ZNF721: variants seen among roughly 807,000 people sequenced by gnomAD.
ZNF721 encodes the protein zinc finger protein 721.
In ZNF721, 2 loss-of-function variants were observed where a neutral mutation model predicts 2.4. The observed-to-expected ratio is 0.82, with a 90% CI of 0.34 to 2.58. The LOEUF (loss-of-function observed/expected upper bound fraction) is 2.58, where lower values mean the gene tolerates loss of function less well. Ranked by LOEUF, ZNF721 falls within the 30% of genes most tolerant of loss-of-function variation. The probability of loss-of-function intolerance (pLI) is 0.11; values close to 1 mark genes in which losing one functional copy is unlikely to be tolerated. For synonymous variants in ZNF721, 398 were observed against 381.8 expected (o/e 1.04, Z -0.50); for missense variants, 1,187 against 1,085.5 (o/e 1.09, Z -1.31).
At chr4:458,005 T>C (rs1228839909) in intron 2 of ZNF721, among the ~76,000 whole-genome samples, 1 of 152,206 alleles carries the variant, frequency 6.6e-6, no homozygotes, top group Non-Finnish European at 1.5e-5. Context: ...GAAGCAGCCC[T>C]ATGAATCAGT....
chr4:496,854 A>G (rs1553872302), intron 1 of ZNF721, among the ~76,000 whole-genome samples: 1 of 151,664 alleles, frequency 6.6e-6, no homozygotes, highest in African/African-American at 2.4e-5. Flanking sequence ...CTGGGACTAC[A>G]GGTGCCCGCC....
At chr4:446,600 C>T (rs1249971377) in intron 2 of ZNF721, among the ~76,000 whole-genome samples, 2 of 152,020 alleles carry the variant, frequency 1.3e-5, no homozygotes, top group Non-Finnish European at 2.9e-5. Context: ...AGGCTGGTCT[C>T]GAACTCCTGA....
At chr4:497,760 T>C (rs1455526476) in intron 1 of ZNF721, among the ~76,000 whole-genome samples, 3 of 146,896 alleles carry the variant, frequency 2.0e-5, no homozygotes, top group Non-Finnish European at 3.0e-5. Context: ...TTGACGGGCG[T>C]GGCGGCGGGC....
At position 442,248 on chromosome 4, in the gene ZNF721, A is replaced by G; in HGVS notation, c.2219T>C (p.Leu740Pro). 6.2e-7 allele frequency: 1 copy of G among 1,613,218 alleles called. No homozygotes were observed. Among genetic ancestry groups the G allele is most frequent in the Non-Finnish European group, 8.5e-7 (1 of 1,179,370 alleles). Reference sequence around the variant, plus strand: ...AGTATGAATTTTCTTATATTCGTTCAGGTTTGTGGACCATCCAAAGGATCT... The same window carrying G: ...AGTATGAATTTTCTTATATTCGTTCGGGTTTGTGGACCATCCAAAGGATCT... ...RGRSFGWSTN[L>P]NEYKKIHTGD... Residue 740 changes from leucine to proline, a missense_variant, in exon 3 of 3, where the codon CTG (leucine) becomes CCG (proline). By Grantham distance (98) the Leu-to-Pro change is moderately conservative (BLOSUM62 -3). Transcript: ENST00000511833.
At chr4:456,367 G>C (rs1553865440) in intron 2 of ZNF721, among the ~76,000 whole-genome samples, 1 of 152,032 alleles carries the variant, frequency 6.6e-6, no homozygotes, top group Admixed American at 6.6e-5. Context: ...ACCATGCCCG[G>C]CCTATCAAAA....
chr4:457,610 T>C (rs1020251918), intron 2 of ZNF721, among the ~76,000 whole-genome samples: 5 of 152,156 alleles, frequency 3.3e-5, no homozygotes, highest in Non-Finnish European at 7.4e-5. Context: ...AAATCCACCC[T>C]TTGCACATAT....
At chr4:455,385 C>G (rs1200220386) in intron 2 of ZNF721, among the ~76,000 whole-genome samples, 3 of 152,004 alleles carry the variant, frequency 2.0e-5, no homozygotes, top group Non-Finnish European at 4.4e-5. Flanking sequence ...CTGGCCAACA[C>G]GGTGAAACCC....
chr4:461,358 G>C (rs1234457739), intron 2 of ZNF721, among the ~76,000 whole-genome samples: 1 of 152,124 alleles, frequency 6.6e-6, no homozygotes, highest in East Asian at 1.9e-4. Context: ...AAAACCACAT[G>C]ATTATCTCAA....
Position 443,386 on chromosome 4 carries a change from A to G in ZNF721, c.1081T>C (p.Tyr361His). 1.9e-6 allele frequency: 3 copies of G among 1,614,098 alleles called. No individual in the cohort carries two copies. Among genetic ancestry groups the G allele is most frequent in the Non-Finnish European group, 2.5e-6 (3 of 1,180,008 alleles). The change falls in exon 3 of 3, where the codon TAC becomes CAC. Residue 361 changes from tyrosine to histidine, a missense_variant. By Grantham distance (83) the Tyr-to-His change is moderately conservative. Transcript: ENST00000511833. ...HRRIHTGEKP[Y>H]KCEDCGKAFG... is the part of the protein sequence containing the mutation. ...GCTTTGCCACAGTCTTCGCATTTGT[A>G]AGGTTTCTCTCCAGTATGAATTCTC... is the stretch of plus-strand genomic sequence containing the variant.
chr4:489,826 C>T (rs1192029946), intron 1 of ZNF721, among the ~76,000 whole-genome samples: 1 of 152,078 alleles, frequency 6.6e-6, no homozygotes, highest in Non-Finnish European at 1.5e-5. Context: ...ATATTGATCA[C>T]GTATTAAAAC....
At chr4:493,890 G>C (rs943922311) in intron 1 of ZNF721, among the ~76,000 whole-genome samples, 1 of 152,104 alleles carries the variant, frequency 6.6e-6, no homozygotes, top group Non-Finnish European at 1.5e-5. Flanking sequence ...TTATAAAATT[G>C]CTTGATTAAT....
intron 1 of ZNF721, among the ~76,000 whole-genome samples, chr4:493,481 C>G (rs913497294): frequency 7.2e-5 from 11 of 152,144 alleles, no homozygotes; most frequent in Non-Finnish European, 1.3e-4. Context: ...GAGTTCAAGA[C>G]CAGCCTGGCC....
At chr4:491,414 T>C (rs1052923736) in intron 1 of ZNF721, among the ~76,000 whole-genome samples, 4 of 152,128 alleles carry the variant, frequency 2.6e-5, no homozygotes, top group African/African-American at 7.2e-5. Flanking sequence ...TGAGACTCCA[T>C]CTCAAAACAA....
At chr4:485,085 T>G (rs1715861006) in intron 1 of ZNF721, among the ~76,000 whole-genome samples, 1 of 152,114 alleles carries the variant, frequency 6.6e-6, no homozygotes, top group Non-Finnish European at 1.5e-5. Context: ...TCAGGGCAGA[T>G]TCCCCAATAG....
intron 2 of ZNF721, among the ~76,000 whole-genome samples, chr4:464,514 A>G (rs1715178528): frequency 6.6e-6 from 1 of 152,168 alleles, no homozygotes; most frequent in Non-Finnish European, 1.5e-5. Context: ...CCTAATTAAA[A>G]AAGAAAAAAA....
chr4:443,621 A>T lies in ZNF721; in HGVS notation c.846T>A (p.Cys282Ter), dbSNP rs376255771. ...TGEKPFKCLE[C>*]GKAFNISTTL... ...TTGTGGAAATATTAAAGGCTTTACC[A>T]CATTCTAAACATTTAAAGGGTTTCT... is the stretch of plus-strand genomic sequence containing the variant. Residue 282 changes from cysteine (C) to a stop codon, truncating the protein, a stop_gained, in exon 3 of 3, where the codon TGT becomes TGA. Transcript: ENST00000511833. LOFTEE classifies it low-confidence loss of function (END_TRUNC). 2 of 1,613,992 alleles carry T rather than the reference A, an allele frequency of 1.2e-6. No homozygotes were observed. Among genetic ancestry groups the T allele is most frequent in the East Asian group, 4.5e-5 (2 of 44,858 alleles).
At chr4:485,133 A>G (rs1715862011) in intron 1 of ZNF721, among the ~76,000 whole-genome samples, 1 of 152,074 alleles carries the variant, frequency 6.6e-6, no homozygotes, top group Non-Finnish European at 1.5e-5. Context: ...TCGGCCTCCC[A>G]AATGGCTGGG....
At position 443,661 on chromosome 4, in the gene ZNF721, C is replaced by A; in HGVS notation, c.806G>T (p.Arg269Met). 6.2e-7 allele frequency: 1 copy of A among 1,613,892 alleles called. No homozygotes were observed. Among genetic ancestry groups the A allele is most frequent in the South Asian group, 1.1e-5 (1 of 91,062 alleles). The change falls in exon 3 of 3, where the codon AGG becomes ATG. Residue 269 changes from arginine (R) to methionine (M), a missense_variant. Arg to Met is a moderately conservative substitution (Grantham distance 91). Coordinates refer to ENST00000511833, the MANE Select transcript of ZNF721 (RefSeq NM_133474.4). ...AAAGGGTTTCTCGCCAGTATGAATC[C>A]TCTTATGTTTAGCAAAGCTTGAGGA... is the stretch of plus-strand genomic sequence containing the variant. ...SSSSSFAKHK[R>M]IHTGEKPFKC... is the part of the protein sequence containing the mutation.
In ZNF721 at chr4:443,612, G is replaced by T; in HGVS notation, c.855C>A (p.Ala285=). 1 of 1,613,740 alleles carries T rather than the reference G, an allele frequency of 6.2e-7. No homozygotes were observed. Among genetic ancestry groups the T allele is most frequent in the African/African-American group, 1.3e-5 (1 of 74,950 alleles). Residue 285 remains alanine, a synonymous_variant, in exon 3 of 3, where the codon GCC becomes GCA. Coordinates refer to ENST00000511833, the MANE Select transcript of ZNF721 (RefSeq NM_133474.4). Reference sequence around the variant, plus strand: ...TAGTAAGGGTTGTGGAAATATTAAAGGCTTTACCACATTCTAAACATTTAA... The same window carrying T: ...TAGTAAGGGTTGTGGAAATATTAAATGCTTTACCACATTCTAAACATTTAA... The part of the protein sequence containing the change: ...KPFKCLECGK[A]FNISTTLTKH...
Sources: gnomAD v4.1 joint callset for allele counts (sites outside exome capture counted in the v4.1 genomes callset) on GRCh38, gnomAD v4.1.1 for gene constraint, MANE v1.5 for transcripts, NCBI Gene and HGNC (gene_info 2026-07-23, HGNC 2026-07-21) for gene names.